The following GULP1 variants were observed in gnomAD, a reference collection of about 807,000 sequenced individuals.
GULP1 encodes the protein GULP PTB domain containing engulfment adaptor 1.
Under a neutral mutation model 40.9 loss-of-function variants are expected in GULP1, and 19 were observed. The ratio of observed to expected loss-of-function variants is 0.46; its 90% CI spans 0.32 to 0.68. The LOEUF (loss-of-function observed/expected upper bound fraction) is 0.68. Ranked by LOEUF, GULP1 falls within the 30% of genes least tolerant of loss-of-function variation. GULP1 has a pLI of 0.03. For synonymous variants in GULP1, 119 were observed against 117.6 expected (o/e 1.01, Z -0.08); for missense variants, 312 against 362.2 (o/e 0.86, Z 1.12).
intron 2 of GULP1, among the ~76,000 whole-genome samples, chr2:188,454,973 A>G (rs2152933562): frequency 6.6e-6 from 1 of 152,168 alleles, no homozygotes; most frequent in African/African-American, 2.4e-5. Context: ...AAATAAAAAT[A>G]AAAACAAAAT....
intron 1 of GULP1, among the ~76,000 whole-genome samples, chr2:188,352,900 T>C (rs1405166016): frequency 6.6e-6 from 1 of 152,114 alleles, no homozygotes; most frequent in Non-Finnish European, 1.5e-5. Flanking sequence ...TAAAACAAGA[T>C]GACATTGATG....
At chr2:188,449,323 G>A (rs2058648547) in intron 2 of GULP1, among the ~76,000 whole-genome samples, 1 of 152,084 alleles carries the variant, frequency 6.6e-6, no homozygotes, top group Non-Finnish European at 1.5e-5. Context: ...GTGTTTCAGT[G>A]GGTTCTGTTT....
At chr2:188,424,470 A>G (rs2055883497) in intron 2 of GULP1, among the ~76,000 whole-genome samples, 1 of 151,884 alleles carries the variant, frequency 6.6e-6, no homozygotes, top group Non-Finnish European at 1.5e-5. Context: ...TATTATTTTG[A>G]TGCAAATTTC....
chr2:188,568,432 G>T (rs372950120), intron 7 of GULP1, among the ~76,000 whole-genome samples: 1 of 152,160 alleles, frequency 6.6e-6, no homozygotes, highest in African/African-American at 2.4e-5. Flanking sequence ...GTGGAGATAT[G>T]AATGGAGAAG....
chr2:188,587,980 G>T (rs760654918), intron 11 of GULP1, 31 bp downstream of exon 11: 33 of 1,064,108 alleles, frequency 3.1e-5, no homozygotes, highest in Non-Finnish European at 4.7e-5. Context: ...GCCCATAAAT[G>T]ATTTATTTCA....
chr2:188,595,681 AT>A lies in GULP1; in HGVS notation c.*1673del, dbSNP rs1471605375. The A allele has an allele frequency of 1.3e-5, 2 of 152,174 alleles. No homozygotes were observed. Among genetic ancestry groups the A allele is most frequent in the Admixed American group, 6.6e-5 (1 of 15,170 alleles). 9.4% of individuals were successfully genotyped at this position (152,174 alleles called of 1,614,324 possible). On this transcript the variant is annotated 3_prime_UTR_variant, in exon 12 of 12. Coordinates refer to ENST00000409830, the MANE Select transcript of GULP1 (RefSeq NM_016315.4). The stretch of plus-strand genomic sequence containing the variant: ...TGTAATAGGTATATATTTAGTGGCC[AT>A]TTATTATCAATGGTAACACAATGGA...
At chr2:188,539,593 T>C (rs1311771197) in intron 6 of GULP1, among the ~76,000 whole-genome samples, 1 of 152,160 alleles carries the variant, frequency 6.6e-6, no homozygotes, top group African/African-American at 2.4e-5. Flanking sequence ...TTAGGCTATC[T>C]AATAATGCCA....
chr2:188,562,562 G>T (rs1696577516), intron 7 of GULP1, among the ~76,000 whole-genome samples: 1 of 152,006 alleles, frequency 6.6e-6, no homozygotes, highest in Admixed American at 6.6e-5. Flanking sequence ...AGTTTTATTT[G>T]GCAAAAAGGC....
intron 2 of GULP1, among the ~76,000 whole-genome samples, chr2:188,446,013 A>C (rs922900689): frequency 6.6e-6 from 1 of 152,190 alleles, no homozygotes; most frequent in African/African-American, 2.4e-5. Context: ...TTCTTCAGCC[A>C]TTCCTCTAGC....
chr2:188,531,854 A>T (rs1238436758), intron 6 of GULP1, among the ~76,000 whole-genome samples: 1 of 152,202 alleles, frequency 6.6e-6, no homozygotes, highest in Non-Finnish European at 1.5e-5. Context: ...AATAAGAATA[A>T]TCCTATTCCT....
chr2:188,437,502 G>T (rs996119607), intron 2 of GULP1, among the ~76,000 whole-genome samples: 2 of 152,014 alleles, frequency 1.3e-5, no homozygotes, highest in African/African-American at 4.8e-5. Context: ...TTTAAAAAAT[G>T]TATTCTTTAA....
chr2:188,477,844 A>AAC, intron 3 of GULP1, 114 bp downstream of exon 3: 1 of 760,368 alleles, frequency 1.3e-6, no homozygotes, highest in Non-Finnish European at 2.2e-6. Context: ...CCCAGAAATG[A>AAC]AGTTAGATTA....
chr2:188,493,993 G>T (rs1213465280), intron 4 of GULP1, among the ~76,000 whole-genome samples: 1 of 151,932 alleles, frequency 6.6e-6, no homozygotes, highest in African/African-American at 2.4e-5. Flanking sequence ...GTTTGATATG[G>T]ATCATGTGCC....
chr2:188,501,459 A>G (rs1460312019), intron 4 of GULP1, among the ~76,000 whole-genome samples: 2 of 151,954 alleles, frequency 1.3e-5, no homozygotes, highest in Non-Finnish European at 2.9e-5. Context: ...ATAGTTCTTT[A>G]TAGCAGTGGA....
intron 2 of GULP1, among the ~76,000 whole-genome samples, chr2:188,428,739 CT>C (rs368449257): frequency 2.2e-4 from 34 of 152,218 alleles, no homozygotes; most frequent in African/African-American, 7.5e-4. Context: ...AATTTAACCT[CT>C]TTTCTTTATA....
Position 188,441,828 on chromosome 2 carries a change from A to G in GULP1, c.-44-35831A>G, listed in dbSNP as rs182623993. Among the ~76,000 whole-genome samples, 252 of 152,216 alleles carry G rather than the reference A, an allele frequency of 1.7e-3. 1 individual carries two copies. The highest frequency in any genetic ancestry group is 1.7e-3 in the South Asian group (8 of 4,820). On this transcript the variant is annotated intron_variant, in intron 2 of 11. Coordinates refer to ENST00000409830, the MANE Select transcript of GULP1 (RefSeq NM_016315.4). The stretch of plus-strand genomic sequence containing the variant: ...CTAGAATTGATTTTCCTTTATTTGG[A>G]TCTGATAGAGCCCTGACTGATAGAG...
At chr2:188,357,490 A>G (rs1574685121) in intron 1 of GULP1, among the ~76,000 whole-genome samples, 1 of 152,218 alleles carries the variant, frequency 6.6e-6, no homozygotes, top group Non-Finnish European at 1.5e-5. Context: ...TATCAAAACT[A>G]TGATGAGATG....
intron 7 of GULP1, among the ~76,000 whole-genome samples, chr2:188,551,950 G>A (rs995006695): frequency 1.3e-5 from 2 of 151,586 alleles, no homozygotes; most frequent in African/African-American, 2.4e-5. Context: ...TAATATACTT[G>A]CTGGCTGAAT....
intron 2 of GULP1, among the ~76,000 whole-genome samples, chr2:188,405,606 C>G (rs1165048298): frequency 6.6e-6 from 1 of 152,182 alleles, no homozygotes; most frequent in East Asian, 1.9e-4. Context: ...GATGTAGGTT[C>G]CAGACCCAAT....
Sources: allele counts gnomAD v4.1 joint callset (sites outside exome capture counted in the v4.1 genomes callset), GRCh38; gene constraint gnomAD v4.1.1; transcripts MANE v1.5; gene names NCBI Gene and HGNC (gene_info 2026-07-23, HGNC 2026-07-21).